Variants in HEMK2 observed in about 807,000 individuals in gnomAD.
The protein encoded by HEMK2 is methyltransferase HEMK2.
the HEMK2 span, among the ~76,000 whole-genome samples, chr21:28,663,875 T>C: frequency 6.6e-6 from 1 of 152,208 alleles, no homozygotes; most frequent in African/African-American, 2.4e-5. Context: ...CGGGCATCTC[T>C]TTAGTTTGTA....
the HEMK2 span, among the ~76,000 whole-genome samples, chr21:28,611,348 C>T: frequency 3.9e-5 from 6 of 152,128 alleles, no homozygotes; most frequent in African/African-American, 1.4e-4. Flanking sequence ...ATTCTTTGAA[C>T]TGAATGATAG....
chr21:28,771,055 C>A, the HEMK2 span, among the ~76,000 whole-genome samples: 1 of 152,148 alleles, frequency 6.6e-6, no homozygotes, highest in African/African-American at 2.4e-5. Flanking sequence ...GCAGTTACTT[C>A]ATGCCAGACA....
chr21:28,788,209 C>CACACATATATAT, the HEMK2 span, among the ~76,000 whole-genome samples: 21 of 144,306 alleles, frequency 1.5e-4, no homozygotes, highest in African/African-American at 3.3e-4. Context: ...CGTATATATA[C>CACACATATATAT]GTATATATGT....
the HEMK2 span, among the ~76,000 whole-genome samples, chr21:28,714,395 A>G: frequency 2.3e-3 from 348 of 152,348 alleles, no homozygotes; most frequent in African/African-American, 6.7e-3. Context: ...TGCTCAAAAT[A>G]TCACTATCTT....
the HEMK2 span, among the ~76,000 whole-genome samples, chr21:28,825,470 G>A: frequency 6.6e-6 from 1 of 152,300 alleles, no homozygotes; most frequent in East Asian, 1.9e-4. Flanking sequence ...GCAGAGATAT[G>A]AGCTAGGGAC....
the HEMK2 span, among the ~76,000 whole-genome samples, chr21:28,667,858 A>G: frequency 6.6e-6 from 1 of 152,178 alleles, no homozygotes; most frequent in Admixed American, 6.5e-5. Context: ...ACTACCTCAT[A>G]GAGTTGTTGG....
the HEMK2 span, among the ~76,000 whole-genome samples, chr21:28,683,382 T>TA: frequency 6.6e-6 from 1 of 152,314 alleles, no homozygotes; most frequent in South Asian, 2.1e-4. Flanking sequence ...TGCACCCAGC[T>TA]TTATAACTGC....
the HEMK2 span, among the ~76,000 whole-genome samples, chr21:28,664,410 C>T: frequency 6.6e-6 from 1 of 152,064 alleles, no homozygotes; most frequent in African/African-American, 2.4e-5. Flanking sequence ...CTACATAGGC[C>T]CACACTTTGA....
chr21:28,803,897 T>C, the HEMK2 span, among the ~76,000 whole-genome samples: 1 of 152,194 alleles, frequency 6.6e-6, no homozygotes, highest in Non-Finnish European at 1.5e-5. Context: ...AGAATTGTCT[T>C]TCATGGGCAA....
At chr21:28,691,235 G>A in the HEMK2 span, among the ~76,000 whole-genome samples, 1 of 115,414 alleles carries the variant, frequency 8.7e-6, no homozygotes, top group African/African-American at 4.7e-5. Flanking sequence ...TACCCAGTGA[G>A]ACAGTTCATA....
chr21:28,623,388 A>C, the HEMK2 span, among the ~76,000 whole-genome samples: 1 of 152,192 alleles, frequency 6.6e-6, no homozygotes, highest in Non-Finnish European at 1.5e-5. Flanking sequence ...TGTTGGTGGG[A>C]GTACAAATTA....
At chr21:28,674,285 A>T in the HEMK2 span, among the ~76,000 whole-genome samples, 3 of 152,150 alleles carry the variant, frequency 2.0e-5, no homozygotes, top group Non-Finnish European at 4.4e-5. Context: ...AACCATAAAA[A>T]ATTGGCAACC....
chr21:28,795,915 C>G, the HEMK2 span, among the ~76,000 whole-genome samples: 1 of 152,250 alleles, frequency 6.6e-6, no homozygotes, highest in South Asian at 2.1e-4. Flanking sequence ...AGAAAATGAT[C>G]AGCAGTTTGA....
chr21:28,606,007 A>AACAC, the HEMK2 span, among the ~76,000 whole-genome samples: 3 of 151,766 alleles, frequency 2.0e-5, no homozygotes, highest in African/African-American at 7.2e-5. Flanking sequence ...TTTTCATAAC[A>AACAC]ACACACACAC....
At chr21:28,679,570 T>A in the HEMK2 span, among the ~76,000 whole-genome samples, 1 of 151,960 alleles carries the variant, frequency 6.6e-6, no homozygotes, top group East Asian at 1.9e-4. Context: ...TCTACAGAAC[T>A]CTCCACCCCA....
At chr21:28,868,244 G>C in the HEMK2 span, among the ~76,000 whole-genome samples, 1 of 151,950 alleles carries the variant, frequency 6.6e-6, no homozygotes, top group East Asian at 1.9e-4. Flanking sequence ...GGCTGTTCTT[G>C]GTCATTTGTT....
chr21:28,651,289 C>A, the HEMK2 span, among the ~76,000 whole-genome samples: 1 of 152,062 alleles, frequency 6.6e-6, no homozygotes, highest in Non-Finnish European at 1.5e-5. Context: ...AAGAATGTAG[C>A]AATTTAATAA....
At chr21:28,847,324 G>A in the HEMK2 span, among the ~76,000 whole-genome samples, 1 of 152,152 alleles carries the variant, frequency 6.6e-6, no homozygotes, top group Admixed American at 6.5e-5. Flanking sequence ...TCTGCCTGAT[G>A]CAAGATGGCA....
chr21:28,697,555 C>T, the HEMK2 span, among the ~76,000 whole-genome samples: 1 of 152,116 alleles, frequency 6.6e-6, no homozygotes, highest in Admixed American at 6.5e-5. Flanking sequence ...GTCTGTTACC[C>T]AGTTCCAGCG....
Sources: gnomAD v4.1 joint callset for allele counts (sites outside exome capture counted in the v4.1 genomes callset) on GRCh38, gnomAD v4.1.1 for gene constraint, MANE v1.5 for transcripts, NCBI Gene and HGNC (gene_info 2026-07-23, HGNC 2026-07-21) for gene names.